TCERG1L: variants seen among roughly 807,000 people sequenced by gnomAD.
The protein encoded by TCERG1L is transcription elongation regulator 1 like, also known as transcription elongation regulator 1-like protein.
Under a neutral mutation model 56.3 loss-of-function variants are expected in TCERG1L, and 37 were observed. The observed-to-expected ratio is 0.66, with a 90% CI of 0.51 to 0.87. The LOEUF is 0.87. Among genes scored for constraint, TCERG1L ranks in the 40% least tolerant of loss-of-function variants. The pLI is 0.00. For missense variants in TCERG1L, 799 were observed against 774.2 expected (o/e 1.03, Z -0.38); for synonymous variants, 324 against 326.3 (o/e 0.99, Z 0.08).
rs921506607 is a variant in TCERG1L, at chr10:131,134,592, A to C, written c.1190-144T>G. 3.9e-5 allele frequency: 26 copies of C among 665,246 alleles called. No individual in the cohort carries two copies. The African/African-American group carries it at 4.4e-4, about 11-fold the overall frequency. The allele number at this position is 665,246 out of a possible 1,614,324, so 41.2% of individuals were successfully genotyped here. A position where few individuals can be genotyped will look rare whatever the true frequency, so the allele number is the denominator to read the frequency against. On this transcript the variant is annotated intron_variant, in intron 7 of 11. Coordinates refer to ENST00000368642, the MANE Select transcript of TCERG1L (RefSeq NM_174937.4). ...TTAAAGATTGATGTGAAATCCTACG[A>C]GTTTCCTCTTGGCACACATGCTTTT...
At chr10:131,265,883 A>G (rs1846280003) in intron 3 of TCERG1L, among the ~76,000 whole-genome samples, 1 of 152,250 alleles carries the variant, frequency 6.6e-6, no homozygotes, top group Non-Finnish European at 1.5e-5. Context: ...CAATTTCACA[A>G]AAGAAGACAA....
chr10:131,255,520 ATCACGTT>A (rs1846157143), intron 4 of TCERG1L, among the ~76,000 whole-genome samples: 1 of 152,242 alleles, frequency 6.6e-6, no homozygotes, highest in Admixed American at 6.5e-5. Flanking sequence ...TACTGGGAAC[ATCACGTT>A]TCTCAGGCTC....
intron 8 of TCERG1L, among the ~76,000 whole-genome samples, chr10:131,130,717 G>A (rs1845609112): frequency 6.6e-6 from 1 of 152,166 alleles, no homozygotes; most frequent in Non-Finnish European, 1.5e-5. Flanking sequence ...TCCAAGTAGT[G>A]ATACAGTGAG....
At chr10:131,310,278 G>A (rs1846871439) in intron 1 of TCERG1L, among the ~76,000 whole-genome samples, 1 of 151,870 alleles carries the variant, frequency 6.6e-6, no homozygotes, top group South Asian at 2.1e-4. Context: ...TCCAAAATAC[G>A]GCAAAAACTA....
chr10:131,145,555 T>C (rs1381427117), intron 7 of TCERG1L, among the ~76,000 whole-genome samples: 1 of 152,238 alleles, frequency 6.6e-6, no homozygotes, highest in African/African-American at 2.4e-5. Flanking sequence ...TCTCTTAGCA[T>C]GGTTAAAAAT....
intron 3 of TCERG1L, among the ~76,000 whole-genome samples, chr10:131,298,359 G>A (rs1045426050): frequency 3.3e-5 from 5 of 151,862 alleles, no homozygotes; most frequent in Non-Finnish European, 7.4e-5. Flanking sequence ...GAGGTTTTCC[G>A]GATATCCTTG....
intron 3 of TCERG1L, 135 bp downstream of exon 3, chr10:131,308,075 AT>A: frequency 1.9e-6 from 2 of 1,033,204 alleles, no homozygotes; most frequent in Non-Finnish European, 2.7e-6. Flanking sequence ...AAAAAGCTTC[AT>A]GCTTGTGAAA....
chr10:131,262,100 CG>C lies in TCERG1L; in HGVS notation c.671-1657del, dbSNP rs1241900875. 2.6e-5 allele frequency among the ~76,000 whole-genome samples: 4 copies of C among 152,070 alleles called. No homozygotes were observed. In the East Asian group the frequency reaches 7.7e-4, roughly 29 times the overall value. On this transcript the variant is annotated intron_variant, in intron 3 of 11. Transcript: ENST00000368642. ...GGGTGAGGGGACAGCCAGGCTTTGC[CG>C]GCAGACATAGGCGGGGGATGACTTG...
chr10:131,183,085 C>T (rs947235483), intron 4 of TCERG1L, among the ~76,000 whole-genome samples: 7 of 152,168 alleles, frequency 4.6e-5, no homozygotes, highest in African/African-American at 1.4e-4. Context: ...AATTCCTCTG[C>T]CAAGGCCAGC....
At chr10:131,105,242 G>C (rs1035595789) in intron 9 of TCERG1L, among the ~76,000 whole-genome samples, 4 of 152,232 alleles carry the variant, frequency 2.6e-5, no homozygotes, top group Admixed American at 6.5e-5. Flanking sequence ...GTCATAACAA[G>C]GGTACACACA....
At chr10:131,094,150 G>A (rs548290112) in intron 11 of TCERG1L, among the ~76,000 whole-genome samples, 33 of 152,296 alleles carry the variant, frequency 2.2e-4, no homozygotes, top group South Asian at 8.3e-4. Flanking sequence ...ACCGGGCCCC[G>A]CAACTTCCTG....
At chr10:131,107,727 G>A (rs1192657674) in intron 9 of TCERG1L, among the ~76,000 whole-genome samples, 1 of 127,166 alleles carries the variant, frequency 7.9e-6, no homozygotes, top group Non-Finnish European at 1.8e-5. Context: ...TTGCACACAT[G>A]TGTGTGACTA....
rs149806675 is a variant in TCERG1L, at chr10:131,249,336, T to C, written c.856+10923A>G. On this transcript the variant is annotated intron_variant, in intron 4 of 11. Transcript: ENST00000368642. ...GGAAAGCCACCCGGCTACCCCAGCA[T>C]AGGGGCTTCCATGGCCCTGGCAGTG... 1.6e-3 allele frequency among the ~76,000 whole-genome samples: 241 copies of C among 152,290 alleles called. 1 individual carries two copies. The highest frequency in any genetic ancestry group is 5.3e-3 in the African/African-American group (221 of 41,566).
intron 9 of TCERG1L, among the ~76,000 whole-genome samples, chr10:131,108,632 C>T (rs1293820535): frequency 6.6e-6 from 1 of 152,206 alleles, no homozygotes; most frequent in African/African-American, 2.4e-5. Context: ...GCAACGACTT[C>T]AAACTCAGCG....
chr10:131,211,816 C>T (rs928720709), intron 4 of TCERG1L, among the ~76,000 whole-genome samples: 4 of 152,208 alleles, frequency 2.6e-5, no homozygotes, highest in East Asian at 1.9e-4. Flanking sequence ...CTAGTGCAGA[C>T]GGCGGCTGGG....
chr10:131,294,634 A>G (rs573828340), intron 3 of TCERG1L, among the ~76,000 whole-genome samples: 1 of 152,284 alleles, frequency 6.6e-6, no homozygotes, highest in African/African-American at 2.4e-5. Flanking sequence ...TCACCCTTCC[A>G]TGTTTCAGAA....
intron 9 of TCERG1L, among the ~76,000 whole-genome samples, chr10:131,115,003 C>A (rs1376388474): frequency 6.6e-6 from 1 of 152,358 alleles, no homozygotes; most frequent in Admixed American, 6.5e-5. Flanking sequence ...GGGAAACTGC[C>A]TGCACGTGCA....
rs41282900 is a variant in TCERG1L, at chr10:131,308,273, G to C, written c.608C>G (p.Ser203Cys). The change falls in exon 3 of 12, where the codon TCC (serine) becomes TGC (cysteine). Residue 203 changes from serine to cysteine, a missense_variant. Coordinates refer to ENST00000368642, the MANE Select transcript of TCERG1L (RefSeq NM_174937.4). The stretch of plus-strand genomic sequence containing the variant: ...CGGCCTGGAGGCAGGAGCCGGCCTG[G>C]ACAGAGACACAGCTACTTGATTTGC... ...LLANQVAVSL[S>C]RPAPASRPLP... is the part of the protein sequence containing the mutation. 5,210 of 1,613,932 alleles carry C rather than the reference G, an allele frequency of 3.2e-3. 17 individuals are homozygous for C. Among genetic ancestry groups the C allele is most frequent in the Middle Eastern group, 4.5e-3 (27 of 6,060 alleles).
Position 131,103,496 on chromosome 10 carries a change from G to A in TCERG1L, c.1485+769C>T, listed in dbSNP as rs1344256863. 1.3e-5 allele frequency among the ~76,000 whole-genome samples: 2 copies of A among 152,120 alleles called. No homozygotes were observed. The highest frequency in any genetic ancestry group is 2.9e-5 in the Non-Finnish European group (2 of 68,022). ...GCTTGAGCCTAGGAGTTCAAGATGA[G>A]CCTGGGGAATATACAGCAACCACAT... On this transcript the variant is annotated intron_variant, in intron 10 of 11. Coordinates refer to ENST00000368642, the MANE Select transcript of TCERG1L (RefSeq NM_174937.4). The surrounding 1 kb of genome is among the most constrained non-coding windows in gnomAD (Gnocchi z 4.3).
Sources: gnomAD v4.1 joint callset for allele counts (sites outside exome capture counted in the v4.1 genomes callset) on GRCh38, gnomAD v4.1.1 for gene constraint, Gnocchi (gnomAD v3.1) non-coding constraint, MANE v1.5 for transcripts, NCBI Gene and HGNC (gene_info 2026-07-23, HGNC 2026-07-21) for gene names.